Variants in OXCT1 observed in about 807,000 individuals in gnomAD.
The protein encoded by OXCT1 is succinyl-CoA:3-ketoacid coenzyme A transferase 1, mitochondrial.
A neutral mutation model predicts 69.6 loss-of-function variants in OXCT1; 27 were observed. The observed-to-expected ratio is 0.39, with a 90% confidence interval of 0.29 to 0.54. OXCT1 has a LOEUF of 0.54. Ranked by LOEUF, OXCT1 falls within the 20% of genes least tolerant of loss-of-function variation. The pLI is 0.72. For missense variants in OXCT1, 437 were observed against 650.2 expected, an observed-to-expected ratio of 0.67 and a Z score of 3.57; for synonymous variants, 202 against 217.8, an observed-to-expected ratio of 0.93 and a Z score of 0.64.
intron 1 of OXCT1, among the ~76,000 whole-genome samples, chr5:41,863,607 G>C (rs1472592242): frequency 2.0e-5 from 3 of 152,144 alleles, no homozygotes; most frequent in African/African-American, 7.2e-5. Context: ...TGTAACAGAT[G>C]TCTTCTATTA....
At chr5:41,834,842 CA>C (rs1748278021) in intron 7 of OXCT1, among the ~76,000 whole-genome samples, 1 of 151,990 alleles carries the variant, frequency 6.6e-6, no homozygotes, top group Non-Finnish European at 1.5e-5. Flanking sequence ...AACATTTCAT[CA>C]GATAAAAATT....
intron 11 of OXCT1, among the ~76,000 whole-genome samples, chr5:41,795,652 C>A (rs1362436903): frequency 1.3e-5 from 2 of 151,838 alleles, no homozygotes; most frequent in African/African-American, 4.8e-5. Flanking sequence ...TGCTAATGTA[C>A]AGCATATAGT....
chr5:41,750,633 G>A (rs1425878734), intron 14 of OXCT1, among the ~76,000 whole-genome samples: 1 of 152,048 alleles, frequency 6.6e-6, no homozygotes, highest in Non-Finnish European at 1.5e-5. Flanking sequence ...CCATCTCAAT[G>A]TTTTACCTGC....
intron 16 of OXCT1, among the ~76,000 whole-genome samples, chr5:41,734,010 T>C (rs55817686): frequency 0.18 from 27,756 of 152,190 alleles, 2,754 homozygotes; most frequent in Middle Eastern, 0.29. Context: ...ACTGAGAGTA[T>C]AAATTTATTC....
chr5:41,817,438 T>C (rs1242416094), intron 7 of OXCT1, among the ~76,000 whole-genome samples: 1 of 152,230 alleles, frequency 6.6e-6, no homozygotes, highest in African/African-American at 2.4e-5. Context: ...TCTATACTAG[T>C]TCCTAGACAT....
chr5:41,822,230 C>G (rs939484360), intron 7 of OXCT1, among the ~76,000 whole-genome samples: 19 of 152,114 alleles, frequency 1.2e-4, no homozygotes, highest in African/African-American at 4.6e-4. Context: ...GGGATTCAGA[C>G]CCCTACTGGG....
At chr5:41,850,320 A>C in intron 4 of OXCT1, 141 bp from the exon 5 acceptor site, 1 of 897,790 alleles carries the variant, frequency 1.1e-6, no homozygotes, top group South Asian at 1.5e-5. Context: ...ATACTTCACT[A>C]ATATTGTATG....
chr5:41,859,461 A>G (rs549783456), intron 3 of OXCT1, among the ~76,000 whole-genome samples: 16 of 152,304 alleles, frequency 1.1e-4, no homozygotes, highest in African/African-American at 3.8e-4. Context: ...TTGTGGGTGG[A>G]AGACAAACAG....
chr5:41,802,658 T>C (rs1390174655), intron 10 of OXCT1, among the ~76,000 whole-genome samples: 4 of 152,052 alleles, frequency 2.6e-5, no homozygotes, highest in African/African-American at 7.2e-5. Flanking sequence ...CAACCTTCAT[T>C]ATCTTGTCCA....
intron 16 of OXCT1, among the ~76,000 whole-genome samples, chr5:41,736,663 T>C (rs2111981145): frequency 6.6e-6 from 1 of 152,326 alleles, no homozygotes; most frequent in African/African-American, 2.4e-5. Flanking sequence ...CCACATAATG[T>C]AGCTTTTGCC....
At chr5:41,792,363 C>A (rs934748927) in intron 13 of OXCT1, among the ~76,000 whole-genome samples, 5 of 152,234 alleles carry the variant, frequency 3.3e-5, no homozygotes, top group South Asian at 2.1e-4. Context: ...CTAAGAGAAC[C>A]AAATGAGACC....
At chr5:41,800,461 T>C (rs1280713597) in intron 11 of OXCT1, among the ~76,000 whole-genome samples, 1 of 151,752 alleles carries the variant, frequency 6.6e-6, no homozygotes, top group Non-Finnish European at 1.5e-5. Context: ...GATTCGCCAG[T>C]GGGAAGCACA....
chr5:41,844,211 A>G (rs1201834805), intron 5 of OXCT1, among the ~76,000 whole-genome samples: 1 of 152,168 alleles, frequency 6.6e-6, no homozygotes, highest in Non-Finnish European at 1.5e-5. Context: ...TATTATACTC[A>G]CTTGAAAGAA....
Position 41,730,859 on chromosome 5 carries a change from A to G in OXCT1, c.*870T>C, listed in dbSNP as rs1742584953. On this transcript the variant is annotated 3_prime_UTR_variant, in exon 17 of 17. Transcript: ENST00000196371. ...AATATTTAAAATCTCCTCTGAACCA[A>G]AACAAGAGCCTGAAAGTAAAACACC... 6.6e-6 allele frequency: 1 copy of G among 152,196 alleles called. No homozygotes were observed. The highest frequency in any genetic ancestry group is 1.5e-5 in the Non-Finnish European group (1 of 68,042). The allele number at this position is 152,196 out of a possible 1,614,324, so 9.4% of individuals were successfully genotyped here.
chr5:41,790,799 A>G (rs547935724), intron 13 of OXCT1, among the ~76,000 whole-genome samples: 99 of 152,232 alleles, frequency 6.5e-4, no homozygotes, highest in Admixed American at 5.9e-4. Flanking sequence ...CTGAAATTAC[A>G]TAAGGAAGGT....
In OXCT1 at chr5:41,739,386, T is replaced by C; in HGVS notation, c.1521+4A>G. The C allele has an allele frequency of 6.3e-7, 1 of 1,582,800 alleles. No homozygotes were observed. Among genetic ancestry groups the C allele is most frequent in the South Asian group, 1.1e-5 (1 of 90,504 alleles). ...TGTCTGGATTTGTTCACAGAAATAC[T>C]TACTGCAAAATCACACCCAGTACTC... On this transcript the variant is annotated splice_donor_region_variant and intron_variant, in intron 16 of 16. Coordinates refer to ENST00000196371, the MANE Select transcript of OXCT1 (RefSeq NM_000436.4).
At chr5:41,855,118 A>C (rs922297535) in intron 3 of OXCT1, among the ~76,000 whole-genome samples, 1 of 152,220 alleles carries the variant, frequency 6.6e-6, no homozygotes, top group Admixed American at 6.5e-5. Context: ...CATCAGTAAC[A>C]ATGGTTGAAT....
intron 1 of OXCT1, among the ~76,000 whole-genome samples, chr5:41,866,850 T>C (rs1188021462): frequency 6.6e-6 from 1 of 152,210 alleles, no homozygotes; most frequent in Non-Finnish European, 1.5e-5. Flanking sequence ...TTCTACCTGG[T>C]GGACTAGAAA....
chr5:41,832,927 G>A (rs768433742), intron 7 of OXCT1, among the ~76,000 whole-genome samples: 1 of 152,180 alleles, frequency 6.6e-6, no homozygotes, highest in East Asian at 1.9e-4. Context: ...AAATCACTAA[G>A]CTTGAAGACA....
Sources: allele counts gnomAD v4.1 joint callset (sites outside exome capture counted in the v4.1 genomes callset), GRCh38; gene constraint gnomAD v4.1.1; transcripts MANE v1.5; gene names NCBI Gene and HGNC (gene_info 2026-07-23, HGNC 2026-07-21).